NFIA: variants seen among roughly 807,000 people sequenced by gnomAD.
The protein encoded by NFIA is nuclear factor 1 A-type.
A neutral mutation model predicts 62.8 loss-of-function variants in NFIA; 8 were observed. The observed-to-expected ratio is 0.13, with a 90% CI of 0.07 to 0.23. The LOEUF (loss-of-function observed/expected upper bound fraction) is 0.23. Ranked by LOEUF, NFIA falls within the 10% of genes least tolerant of loss-of-function variation. NFIA has a pLI of 1.00. For missense variants in NFIA, 410 were observed against 642.1 expected (o/e 0.64, Z 3.91); for synonymous variants, 235 against 238.1 (o/e 0.99, Z 0.12).
intron 2 of NFIA, among the ~76,000 whole-genome samples, chr1:61,150,452 TC>T (rs1355136083): frequency 6.6e-6 from 1 of 152,196 alleles, no homozygotes; most frequent in Admixed American, 6.5e-5. Flanking sequence ...TTTTGGGGCA[TC>T]CTTTCATGGT....
intron 2 of NFIA, among the ~76,000 whole-genome samples, chr1:61,157,583 T>C (rs961865216): frequency 6.6e-5 from 10 of 152,194 alleles, no homozygotes; most frequent in African/African-American, 2.2e-4. Context: ...TGCAGCACTG[T>C]GTATGGTTTA....
intron 2 of NFIA, among the ~76,000 whole-genome samples, chr1:61,134,245 A>T (rs61770488): frequency 3.4e-5 from 5 of 146,398 alleles, no homozygotes; most frequent in Admixed American, 6.8e-5. Context: ...TGTGTGTGTG[A>T]GTGTGTGTGT....
intron 2 of NFIA, among the ~76,000 whole-genome samples, chr1:61,253,099 T>C (rs1656153252): frequency 6.6e-6 from 1 of 152,204 alleles, no homozygotes; most frequent in Admixed American, 6.5e-5. Flanking sequence ...GCTCTGAGTA[T>C]AGGCACTGGC....
At chr1:61,199,819 A>C (rs568973960) in intron 2 of NFIA, among the ~76,000 whole-genome samples, 1 of 151,262 alleles carries the variant, frequency 6.6e-6, no homozygotes, top group Non-Finnish European at 1.5e-5. Context: ...ACACGGTGAA[A>C]TCCCATCTCT....
chr1:61,113,493 C>T (rs1239163589), intron 2 of NFIA, among the ~76,000 whole-genome samples: 1 of 148,462 alleles, frequency 6.7e-6, no homozygotes, highest in African/African-American at 2.5e-5. Flanking sequence ...ACTCTGGAGG[C>T]TGAGGCAGGA....
chr1:61,282,016 T>A (rs1658166293), intron 3 of NFIA, among the ~76,000 whole-genome samples: 1 of 152,152 alleles, frequency 6.6e-6, no homozygotes, highest in African/African-American at 2.4e-5. Flanking sequence ...AAAAACGCTC[T>A]GGAGAAGCTG....
At chr1:61,395,984 A>G (rs1439940901) in intron 7 of NFIA, among the ~76,000 whole-genome samples, 1 of 152,208 alleles carries the variant, frequency 6.6e-6, no homozygotes, top group Non-Finnish European at 1.5e-5. Flanking sequence ...GATCAGTTGT[A>G]CTATTTGTAA....
chr1:61,253,121 G>A (rs527708742), intron 2 of NFIA, among the ~76,000 whole-genome samples: 1 of 152,336 alleles, frequency 6.6e-6, no homozygotes, highest in East Asian at 1.9e-4. Flanking sequence ...GGTAAGCTTA[G>A]TGGAGTGTTA....
intron 9 of NFIA, among the ~76,000 whole-genome samples, chr1:61,409,425 T>C (rs1016957865): frequency 1.3e-5 from 2 of 152,212 alleles, no homozygotes; most frequent in African/African-American, 4.8e-5. Context: ...GGTGTTAGGC[T>C]GGGAGAGCTG....
chr1:61,317,196 G>C (rs112962481), intron 3 of NFIA, among the ~76,000 whole-genome samples: 83 of 152,076 alleles, frequency 5.5e-4, no homozygotes, highest in African/African-American at 2.0e-3. Context: ...GAAAAAGGAG[G>C]CCATTTTTAA....
At chr1:61,121,245 T>G (rs911965316) in intron 2 of NFIA, among the ~76,000 whole-genome samples, 3 of 152,190 alleles carry the variant, frequency 2.0e-5, no homozygotes, top group Non-Finnish European at 4.4e-5. Context: ...TTAGGTAATA[T>G]GCTATGCTGT....
chr1:61,285,125 T>G (rs1192718861), intron 3 of NFIA, among the ~76,000 whole-genome samples: 2 of 152,180 alleles, frequency 1.3e-5, no homozygotes, highest in Non-Finnish European at 2.9e-5. Context: ...GCACCTGGTG[T>G]TTGGCTACAG....
intron 3 of NFIA, among the ~76,000 whole-genome samples, chr1:61,332,100 T>G (rs1056754375): frequency 1.3e-5 from 2 of 152,226 alleles, no homozygotes; most frequent in African/African-American, 4.8e-5. Context: ...GATAACTAAT[T>G]CCAATCAAAT....
chr1:61,213,267 G>A (rs528742044), intron 2 of NFIA, among the ~76,000 whole-genome samples: 15 of 152,294 alleles, frequency 9.8e-5, no homozygotes, highest in African/African-American at 1.4e-4. Context: ...TGACAATTGA[G>A]TATCAGTCTT....
At chr1:61,416,711 T>G (rs1051075439) in intron 9 of NFIA, among the ~76,000 whole-genome samples, 3 of 152,180 alleles carry the variant, frequency 2.0e-5, no homozygotes, top group Non-Finnish European at 4.4e-5. Flanking sequence ...TATTTTCATA[T>G]GCATTACCTT....
At chr1:61,429,891 G>C (rs1387736707) in intron 10 of NFIA, among the ~76,000 whole-genome samples, 2 of 152,182 alleles carry the variant, frequency 1.3e-5, no homozygotes, top group Non-Finnish European at 2.9e-5. Flanking sequence ...ATGCAAAGTA[G>C]AGTAGTGGCT....
chr1:61,354,639 TTAAAAA>T (rs1662731900), intron 5 of NFIA, among the ~76,000 whole-genome samples: 1 of 152,134 alleles, frequency 6.6e-6, no homozygotes, highest in Non-Finnish European at 1.5e-5. Flanking sequence ...TGTTGGAACT[TTAAAAA>T]TATGCTCTTT....
rs770594239 is a variant in NFIA at position 61,137,730 on chromosome 1, G to C, written c.559+49050G>C. On this transcript the variant is annotated intron_variant, in intron 2 of 10. Transcript: ENST00000403491. ...GCTTTAAAATCTCTCTACCTCAGGC[G>C]TAGGTGTTTTCATTGCCCATAGTAT... Among the ~76,000 whole-genome samples the C allele has an allele frequency of 2.0e-5, 3 of 152,116 alleles. No individual in the cohort carries two copies. In the East Asian group the frequency reaches 5.8e-4, roughly 29 times the overall value.
intron 9 of NFIA, among the ~76,000 whole-genome samples, chr1:61,420,886 C>T (rs760669606): frequency 5.9e-5 from 9 of 152,152 alleles, no homozygotes; most frequent in Non-Finnish European, 1.2e-4. Context: ...AGGCTTCTTG[C>T]CCGTCATTTT....
Sources: gnomAD v4.1 joint callset for allele counts (sites outside exome capture counted in the v4.1 genomes callset) on GRCh38, gnomAD v4.1.1 for gene constraint, MANE v1.5 for transcripts, NCBI Gene and HGNC (gene_info 2026-07-23, HGNC 2026-07-21) for gene names.